Variants in CPSF1 observed in about 807,000 individuals in gnomAD.
CPSF1 encodes the protein cleavage and polyadenylation specificity factor subunit 1.
Under a neutral mutation model 175.8 loss-of-function variants are expected in CPSF1, and 106 were observed. That is an observed-to-expected ratio of 0.60 (90% CI 0.52 to 0.71). CPSF1 has a LOEUF of 0.71. CPSF1 is among the 30% of genes least tolerant of loss of function. The pLI is 0.00. For synonymous variants in CPSF1, 1,024 were observed against 858.3 expected, an observed-to-expected ratio of 1.19 and a Z score of -3.37; for missense variants, 1,734 against 2,022.9, an observed-to-expected ratio of 0.86 and a Z score of 2.74.
intron 23 of CPSF1, 57 bp from the exon 24 acceptor site, chr8:144,396,986 G>A (rs566125421): frequency 9.7e-6 from 13 of 1,344,410 alleles, no homozygotes; most frequent in East Asian, 7.1e-5. Context: ...AACATGGGAT[G>A]GGCCATGGGA....
chr8:144,396,485 G>A lies in CPSF1; in HGVS notation c.2842C>T (p.Pro948Ser), dbSNP rs782369518. ...YGYSGVFICG[P>S]SPHWLLVTGR... ...GTCACCAAGAGCCAGTGAGGGGAGG[G>A]GCCGCAGATGAAGACCTGGGGGCAG... is the stretch of plus-strand genomic sequence containing the variant. The change falls in exon 26 of 38, where the codon CCC becomes TCC. Residue 948 changes from proline to serine, a missense_variant. Transcript: ENST00000616140. 34 of 1,609,580 alleles carry A rather than the reference G, an allele frequency of 2.1e-5. No individual in the cohort carries two copies. Among genetic ancestry groups the A allele is most frequent in the Middle Eastern group, 1.8e-4 (1 of 5,642 alleles).
Position 144,400,825 on chromosome 8 carries a change from G to T in CPSF1, c.540-8C>A, listed in dbSNP as rs910276926. On this transcript the variant is annotated splice_polypyrimidine_tract_variant and splice_region_variant and intron_variant, in intron 6 of 37. Transcript: ENST00000616140. ...AGGAAGCTGGACCTCTGCCTGGGGG[G>T]CCAGGGGCTTCAGCAGGAGAGGAGG... is the stretch of plus-strand genomic sequence containing the variant. 2 of 1,613,238 alleles carry T rather than the reference G, an allele frequency of 1.2e-6. No homozygotes were observed. The highest frequency in any genetic ancestry group is 1.7e-6 in the Non-Finnish European group (2 of 1,179,892).
chr8:144,394,302 T>TG lies in CPSF1; in HGVS notation c.3745-3dup. On this transcript the variant is annotated splice_polypyrimidine_tract_variant and splice_region_variant and intron_variant, in intron 32 of 37. Transcript: ENST00000616140. ...GTACACCTCCAGGGGCTTGGCATCC[T>TG]GGGGGCGGGAAGGGGGCGTCAGAGG... The TG allele has an allele frequency of 6.3e-7, 1 of 1,588,760 alleles. No homozygotes were observed.
Position 144,393,767 on chromosome 8 carries a change from G to A in CPSF1, c.4045C>T (p.Leu1349=). ...CGGTAGGTCTTCTCCTGCATGGGCAGCAGCAGCCCGATGCCGCCGTCCAGG... is the reference window on the plus strand; with the variant it reads ...CGGTAGGTCTTCTCCTGCATGGGCAACAGCAGCCCGATGCCGCCGTCCAGG... ...ATLDGGIGLL[L]PMQEKTYRRL... The change falls in exon 36 of 38, where the codon CTG becomes TTG. Residue 1349 remains leucine, a synonymous_variant. Coordinates refer to ENST00000616140, the MANE Select transcript of CPSF1 (RefSeq NM_013291.3). 1.3e-6 allele frequency: 2 copies of A among 1,593,918 alleles called. No homozygotes were observed. The highest frequency in any genetic ancestry group is 1.1e-5 in the South Asian group (1 of 89,400).
rs1554870043 is a variant in CPSF1 at position 144,409,133 on chromosome 8, T to C, written c.26A>G (p.His9Arg). MYAVYKQA[H>R]PPTGLEFSMY... ...GGAGAACTCCAGACCGGTGGGCGGA[T>C]GCGCCTGTTTGTACACGGCGTACAT... The change falls in exon 2 of 38, where the codon CAT becomes CGT. Residue 9 changes from histidine (H) to arginine (R), a missense_variant. Transcript: ENST00000616140. 1 of 1,612,640 alleles carries C rather than the reference T, an allele frequency of 6.2e-7. No homozygotes were observed. Among genetic ancestry groups the C allele is most frequent in the African/African-American group, 1.3e-5 (1 of 75,010 alleles).
rs201804624 is a variant in CPSF1 at position 144,397,723 on chromosome 8, C to T, written c.2210+20G>A. 18 of 1,585,258 alleles carry T rather than the reference C, an allele frequency of 1.1e-5. No homozygotes were observed. In the African/African-American group the frequency reaches 1.6e-4, roughly 14 times the overall value. On this transcript the variant is annotated intron_variant, in intron 21 of 37. Coordinates refer to ENST00000616140, the MANE Select transcript of CPSF1 (RefSeq NM_013291.3). Reference sequence around the variant, plus strand: ...CCCCAGGGACCCAAGCCCCTACCTGCGCCCCCAGCCCCCACGCACCTAGTC... The same window carrying T: ...CCCCAGGGACCCAAGCCCCTACCTGTGCCCCCAGCCCCCACGCACCTAGTC...
In CPSF1 at chr8:144,399,681, G is replaced by T. The variant is rs2116865251; in HGVS notation, c.1149C>A (p.Phe383Leu). 6.2e-7 allele frequency: 1 copy of T among 1,610,714 alleles called. No individual in the cohort carries two copies. The highest frequency in any genetic ancestry group is 1.7e-5 in the Admixed American group (1 of 59,666). The change falls in exon 12 of 38, where the codon TTC becomes TTA. Residue 383 changes from phenylalanine to leucine, a missense_variant. Phe to Leu is a conservative substitution (Grantham distance 22, BLOSUM62 0). Coordinates refer to ENST00000616140, the MANE Select transcript of CPSF1 (RefSeq NM_013291.3). This position sits in a 1 kb window ranked among gnomAD's most constrained non-coding sequence, Gnocchi z 6.4. ...SMVTMEPGYLFLGSRLGNSLL... is the reference protein window; with the variant it reads ...SMVTMEPGYLLLGSRLGNSLL... ...GGGAATTGCCCAGGCGAGAACCCAGGAACAGGTACCCGGGCTCCATGGTGA... is the reference window on the plus strand; with the variant it reads ...GGGAATTGCCCAGGCGAGAACCCAGTAACAGGTACCCGGGCTCCATGGTGA...
At position 144,400,944 on chromosome 8, in the gene CPSF1, G is replaced by C. The variant is rs782746758; in HGVS notation, c.519C>G (p.His173Gln). Residue 173 changes from histidine to glutamine, a missense_variant, in exon 6 of 38, where the codon CAC (histidine) becomes CAG (glutamine). Coordinates refer to ENST00000616140, the MANE Select transcript of CPSF1 (RefSeq NM_013291.3). ...PFRRESLAEE[H>Q]EGLVGEGQRS... ...CTCACCCCTCACCCACGAGCCCCTC[G>C]TGCTCCTCAGCCAGGCTCTCCCTGC... is the stretch of plus-strand genomic sequence containing the variant. The C allele has an allele frequency of 4.4e-6, 7 of 1,605,898 alleles. No individual in the cohort carries two copies. The highest frequency in any genetic ancestry group is 6.0e-6 in the Non-Finnish European group (7 of 1,175,508).
Position 144,400,224 on chromosome 8 carries a change from G to T in CPSF1, c.879C>A (p.Val293=). The T allele has an allele frequency of 3.8e-6, 6 of 1,585,992 alleles. No homozygotes were observed. The highest frequency in any genetic ancestry group is 5.2e-6 in the Non-Finnish European group (6 of 1,164,000). The stretch of plus-strand genomic sequence containing the variant: ...TGTTGAGAGCCACGCCATACGGGGG[G>T]ACGCTCTGGTTCAGGTACAACAGCG... ...VNSLLYLNQS[V]PPYGVALNSL... is the part of the protein sequence containing the mutation. The change falls in exon 9 of 38, where the codon GTC becomes GTA. Residue 293 remains valine (V), a synonymous_variant. Coordinates refer to ENST00000616140, the MANE Select transcript of CPSF1 (RefSeq NM_013291.3).
At chr8:144,403,971 T>C (rs2116896547) in intron 2 of CPSF1, among the ~76,000 whole-genome samples, 3 of 151,114 alleles carry the variant, frequency 2.0e-5, no homozygotes, top group African/African-American at 7.3e-5. Context: ...TCCCAGCACT[T>C]TGGGAGGCCG....
chr8:144,401,619 A>G (rs1380232962), intron 3 of CPSF1, 27 bp downstream of exon 3: 1 of 1,611,876 alleles, frequency 6.2e-7, no homozygotes, highest in Middle Eastern at 1.7e-4. Flanking sequence ...GCACCCGCAC[A>G]GCCCCAGGCC....
At chr8:144,395,709 G>A in intron 26 of CPSF1, 158 bp from the exon 27 acceptor site, 3 of 635,304 alleles carry the variant, frequency 4.7e-6, no homozygotes, top group East Asian at 2.7e-5. Flanking sequence ...GGAAGGGGCT[G>A]CCACTCAGCC....
intron 2 of CPSF1, among the ~76,000 whole-genome samples, chr8:144,407,997 A>G (rs2116909920): frequency 9.2e-5 from 14 of 152,224 alleles, no homozygotes; most frequent in Non-Finnish European, 1.6e-4. Flanking sequence ...CAGAAACTCC[A>G]GCCCTCGTCA....
chr8:144,395,085 G>T lies in CPSF1; in HGVS notation c.3272+13C>A. Reference sequence around the variant, plus strand: ...GCCTTGGGCAGACCCCACCCCCGCCGGCCCAGCCTCACCTGGCATTGGGAA... The same window carrying T: ...GCCTTGGGCAGACCCCACCCCCGCCTGCCCAGCCTCACCTGGCATTGGGAA... On this transcript the variant is annotated intron_variant, in intron 29 of 37. Transcript: ENST00000616140. The T allele has an allele frequency of 1.2e-6, 2 of 1,606,236 alleles. No homozygotes were observed. Among genetic ancestry groups the T allele is most frequent in the Non-Finnish European group, 1.7e-6 (2 of 1,175,624 alleles).
At chr8:144,405,141 TTA>T (rs1407949161) in intron 2 of CPSF1, among the ~76,000 whole-genome samples, 1 of 152,150 alleles carries the variant, frequency 6.6e-6, no homozygotes, top group African/African-American at 2.4e-5. Flanking sequence ...CAAGATACTT[TTA>T]GTTACAAAAG....
In CPSF1 at chr8:144,399,371, C is replaced by T. The variant is rs1821009486; in HGVS notation, c.1297G>A (p.Ala433Thr). 2 of 1,612,742 alleles carry T rather than the reference C, an allele frequency of 1.2e-6. No homozygotes were observed. Among genetic ancestry groups the T allele is most frequent in the Admixed American group, 1.7e-5 (1 of 60,002 alleles). ...TCATCCTGCGGCACCGACTTACCCG[C>T]AGCTGCACACAGAGAGCCCACTTGA... ...RVDATAGWSA[A>T]GKSVPQDEVD... The change falls in exon 14 of 38, where the codon GCG (alanine) becomes ACG (threonine). Residue 433 changes from alanine to threonine, a missense_variant and splice_region_variant. Ala to Thr is a moderately conservative substitution (Grantham distance 58, BLOSUM62 0). This residue lies in a region of CPSF1 where 162 missense variants were observed against 169.5 expected (regional missense o/e 0.96). Transcript: ENST00000616140. The surrounding 1 kb of genome is among the most constrained non-coding windows in gnomAD (Gnocchi z 6.4).
chr8:144,400,500 A>G lies in CPSF1; in HGVS notation c.687-7T>C, dbSNP rs2116875628. 3.7e-6 allele frequency: 6 copies of G among 1,612,268 alleles called. No individual in the cohort carries two copies. Among genetic ancestry groups the G allele is most frequent in the Middle Eastern group, 1.6e-4 (1 of 6,062 alleles). ...CTGCCGCACGGCCACGCGCCTGGGG[A>G]CGCCAGTGGGTCAGCCAAGGGCCTT... On this transcript the variant is annotated splice_region_variant and splice_polypyrimidine_tract_variant and intron_variant, in intron 7 of 37. Coordinates refer to ENST00000616140, the MANE Select transcript of CPSF1 (RefSeq NM_013291.3).
chr8:144,398,392 T>C lies in CPSF1; in HGVS notation c.1804A>G (p.Thr602Ala). ...CCAGCAAAGACCGTGGGGCCCTGAGTGGCGAAGCCACTGGTGTCCAGCTCC... is the reference window on the plus strand; with the variant it reads ...CCAGCAAAGACCGTGGGGCCCTGAGCGGCGAAGCCACTGGTGTCCAGCTCC... ...IMELDTSGFA[T>A]QGPTVFAGNI... Residue 602 changes from threonine to alanine, a missense_variant, in exon 19 of 38, where the codon ACT becomes GCT. This residue lies in a region of CPSF1 where 280 missense variants were observed against 349.2 expected (regional missense o/e 0.80). Coordinates refer to ENST00000616140, the MANE Select transcript of CPSF1 (RefSeq NM_013291.3). The C allele has an allele frequency of 6.2e-7, 1 of 1,612,900 alleles. No homozygotes were observed. Among genetic ancestry groups the C allele is most frequent in the Non-Finnish European group, 8.5e-7 (1 of 1,179,646 alleles).
Position 144,395,160 on chromosome 8 carries a change from C to T in CPSF1, c.3210G>A (p.Gln1070=), listed in dbSNP as rs781868580. 1 of 1,612,646 alleles carries T rather than the reference C, an allele frequency of 6.2e-7. No individual in the cohort carries two copies. The highest frequency in any genetic ancestry group is 1.7e-5 in the Admixed American group (1 of 59,978). Residue 1070 remains glutamine (Q), a synonymous_variant, in exon 29 of 38, where the codon CAG becomes CAA. Transcript: ENST00000616140. ...TGAGCTGGATGGAGAAGGCCTCCTG[C>T]TGGGGGTGGATGTACCGCTCATCTG... ...IERDERYIHP[Q]QEAFSIQLIS...
Sources: gnomAD v4.1 joint callset for allele counts (sites outside exome capture counted in the v4.1 genomes callset) on GRCh38, gnomAD v4.1.1 for gene constraint, gnomAD v4.1.1 regional missense constraint, Gnocchi (gnomAD v3.1) non-coding constraint, MANE v1.5 for transcripts, NCBI Gene and HGNC (gene_info 2026-07-23, HGNC 2026-07-21) for gene names.